RFX3: variants seen among roughly 807,000 people sequenced by gnomAD.
RFX3 encodes regulatory factor X3, also known as transcription factor RFX3.
RFX3 carries 14 observed loss-of-function variants against 98.6 expected under a neutral mutation model. The observed-to-expected ratio is 0.14, with a 90% confidence interval of 0.09 to 0.22. The LOEUF is 0.22. Ranked by LOEUF, RFX3 falls within the 10% of genes least tolerant of loss-of-function variation. RFX3 has a pLI of 1.00. For missense variants in RFX3, 639 were observed against 926.9 expected, an observed-to-expected ratio of 0.69 and a Z score of 4.03; for synonymous variants, 383 against 328.4, an observed-to-expected ratio of 1.17 and a Z score of -1.80.
At chr9:3,471,816 AC>A (rs1193308801) in intron 1 of RFX3, among the ~76,000 whole-genome samples, 2 of 152,366 alleles carry the variant, frequency 1.3e-5, no homozygotes, top group Admixed American at 6.5e-5. Flanking sequence ...AGACAGCAGT[AC>A]TGCCTAGAAT....
At chr9:3,408,612 TCACACACA>T (rs373554738) in intron 1 of RFX3, among the ~76,000 whole-genome samples, 1 of 147,704 alleles carries the variant, frequency 6.8e-6, no homozygotes, top group African/African-American at 2.5e-5. Context: ...TCTCTCTCTC[TCACACACA>T]CACACACACA....
At chr9:3,370,083 C>T (rs1174589439) in intron 2 of RFX3, among the ~76,000 whole-genome samples, 5 of 150,238 alleles carry the variant, frequency 3.3e-5, no homozygotes, top group African/African-American at 9.8e-5. Context: ...CCTCGTGATC[C>T]GCCCGCCTCG....
Position 3,240,117 on chromosome 9 carries a change from A to G in RFX3, c.1968+7915T>C, listed in dbSNP as rs537340151. 2.0e-3 allele frequency among the ~76,000 whole-genome samples: 306 copies of G among 152,350 alleles called. 1 individual carries two copies. The highest frequency in any genetic ancestry group is 7.0e-3 in the African/African-American group (291 of 41,580). On this transcript the variant is annotated intron_variant, in intron 15 of 16. Transcript: ENST00000617270. The stretch of plus-strand genomic sequence containing the variant: ...CTGGCGACACGGGCTGGCTATGTCT[A>G]TGTCAATATTTTCTGGTATGGAACT...
intron 15 of RFX3, among the ~76,000 whole-genome samples, chr9:3,246,291 T>TA (rs151073008): frequency 0.14 from 20,213 of 146,528 alleles, 1,591 homozygotes; most frequent in African/African-American, 0.24. Flanking sequence ...TTACATGTAG[T>TA]AAAAAAAAAA....
intron 1 of RFX3, among the ~76,000 whole-genome samples, chr9:3,485,615 A>G (rs985487097): frequency 6.6e-6 from 1 of 152,222 alleles, no homozygotes; most frequent in Non-Finnish European, 1.5e-5. Flanking sequence ...CTCTCTCAGA[A>G]TAAAAGAATT....
At chr9:3,482,722 T>C (rs951268823) in intron 1 of RFX3, among the ~76,000 whole-genome samples, 2 of 152,196 alleles carry the variant, frequency 1.3e-5, no homozygotes, top group African/African-American at 4.8e-5. Flanking sequence ...GAACTGGGAA[T>C]TTACTGTAAA....
intron 1 of RFX3, 44 bp downstream of exon 1, chr9:3,525,703 A>T (rs1027580887): frequency 1.7e-5 from 3 of 173,804 alleles, no homozygotes; most frequent in African/African-American, 7.2e-5. Flanking sequence ...GTTCACACGC[A>T]GCCACACGCT....
At chr9:3,469,874 G>A (rs1848623658) in intron 1 of RFX3, among the ~76,000 whole-genome samples, 1 of 151,486 alleles carries the variant, frequency 6.6e-6, no homozygotes, top group African/African-American at 2.4e-5. Context: ...TATAGCTCAT[G>A]TGTAAGTCCC....
At chr9:3,471,678 C>G (rs1379228183) in intron 1 of RFX3, among the ~76,000 whole-genome samples, 1 of 152,134 alleles carries the variant, frequency 6.6e-6, no homozygotes, top group East Asian at 1.9e-4. Context: ...TTTGAATGAT[C>G]AAGAATAAGG....
intron 1 of RFX3, among the ~76,000 whole-genome samples, chr9:3,412,773 G>GA (rs1162762965): frequency 1.3e-5 from 2 of 151,952 alleles, no homozygotes; most frequent in East Asian, 3.8e-4. Flanking sequence ...TGAATGACCA[G>GA]AAAAAAACTG....
chr9:3,444,236 A>C (rs1845842082), intron 1 of RFX3, among the ~76,000 whole-genome samples: 1 of 152,222 alleles, frequency 6.6e-6, no homozygotes, highest in African/African-American at 2.4e-5. Flanking sequence ...ATCAATAAAA[A>C]GGAATGAACT....
At chr9:3,281,888 C>T (rs1223002500) in intron 7 of RFX3, among the ~76,000 whole-genome samples, 1 of 151,714 alleles carries the variant, frequency 6.6e-6, no homozygotes, top group South Asian at 2.1e-4. Context: ...TTTACCATTA[C>T]ATTCAACTAA....
At chr9:3,230,797 A>G (rs1818351800) in intron 15 of RFX3, among the ~76,000 whole-genome samples, 1 of 152,208 alleles carries the variant, frequency 6.6e-6, no homozygotes, top group Admixed American at 6.5e-5. Flanking sequence ...TTTGCTGTTG[A>G]AAAGTCTCTG....
rs115770958 is a variant in RFX3 at position 3,499,810 on chromosome 9, T to A, written c.-9+25937A>T. On this transcript the variant is annotated intron_variant, in intron 1 of 16. Coordinates refer to ENST00000617270, the MANE Select transcript of RFX3 (RefSeq NM_001282116.2). ...TAACTATGAAAATCTATCCAGGACTTTCCACGGATATTTTTGCTATATTAA... is the reference window on the plus strand; with the variant it reads ...TAACTATGAAAATCTATCCAGGACTATCCACGGATATTTTTGCTATATTAA... 9.8e-3 allele frequency among the ~76,000 whole-genome samples: 1,494 copies of A among 152,256 alleles called. 22 individuals carry two copies. Among genetic ancestry groups the A allele is most frequent in the African/African-American group, 0.034 (1,433 of 41,548 alleles).
chr9:3,476,469 G>T (rs1033034895), intron 1 of RFX3, among the ~76,000 whole-genome samples: 1 of 152,184 alleles, frequency 6.6e-6, no homozygotes, highest in African/African-American at 2.4e-5. Context: ...GAAAACAGGG[G>T]AAGAGATGAA....
At chr9:3,449,128 C>G (rs779500846) in intron 1 of RFX3, among the ~76,000 whole-genome samples, 2 of 152,128 alleles carry the variant, frequency 1.3e-5, no homozygotes, top group Non-Finnish European at 2.9e-5. Context: ...TAATAATACC[C>G]TCCCTCAAAG....
intron 2 of RFX3, among the ~76,000 whole-genome samples, chr9:3,348,627 G>A (rs998059017): frequency 2.3e-4 from 35 of 151,978 alleles, no homozygotes; most frequent in African/African-American, 8.5e-4. Context: ...ATAAGTACAT[G>A]ATTCTTTTTA....
chr9:3,486,749 G>C (rs1285683340), intron 1 of RFX3, among the ~76,000 whole-genome samples: 1 of 152,190 alleles, frequency 6.6e-6, no homozygotes, highest in Non-Finnish European at 1.5e-5. Context: ...TATGATTTGA[G>C]TCTAAACAGT....
intron 1 of RFX3, among the ~76,000 whole-genome samples, chr9:3,485,141 T>C (rs562633573): frequency 6.6e-6 from 1 of 151,858 alleles, no homozygotes; most frequent in South Asian, 2.1e-4. Context: ...TAATAGTAAA[T>C]ACAAAAAATA....
Sources: allele counts gnomAD v4.1 joint callset (sites outside exome capture counted in the v4.1 genomes callset), GRCh38; gene constraint gnomAD v4.1.1; transcripts MANE v1.5; gene names NCBI Gene and HGNC (gene_info 2026-07-23, HGNC 2026-07-21).